ALDOA: variants seen among roughly 807,000 people sequenced by gnomAD.
ALDOA encodes fructose-bisphosphate aldolase A.
ALDOA carries 26 observed loss-of-function variants against 43.9 expected under a neutral mutation model. The observed-to-expected ratio is 0.59, with a 90% CI of 0.43 to 0.82. The LOEUF (loss-of-function observed/expected upper bound fraction) is 0.82. ALDOA is among the 40% of genes least tolerant of loss of function. ALDOA has a pLI of 0.00. For missense variants in ALDOA, 498 were observed against 549.5 expected, an observed-to-expected ratio of 0.91 and a Z score of 0.94; for synonymous variants, 258 against 222.6, an observed-to-expected ratio of 1.16 and a Z score of -1.42.
chr16:30,069,684 C>T lies in ALDOA; in HGVS notation c.961+11C>T, dbSNP rs1057523917. ...CCCCCGCTGTCACTGGTGAGGCCCA[C>T]ACTCATCTTGATCTCTATGCAGTAG... On this transcript the variant is annotated intron_variant, in intron 8 of 9. Coordinates refer to ENST00000642816, the MANE Select transcript of ALDOA (RefSeq NM_001243177.4). 2 of 1,613,282 alleles carry T rather than the reference C, an allele frequency of 1.2e-6. No homozygotes were observed.
chr16:30,069,171 C>T, intron 6 of ALDOA, 135 bp from the exon 7 acceptor site: 1 of 1,332,138 alleles, frequency 7.5e-7, no homozygotes, highest in Middle Eastern at 1.9e-4. Context: ...CGGCTCTTGT[C>T]TCCTGTAATC....
At position 30,070,191 on chromosome 16, in the gene ALDOA, C is replaced by G; in HGVS notation, c.1236C>G (p.Phe412Leu). ...QAGAAASESLFVSNHAY is the reference protein window; with the variant it reads ...QAGAAASESLLVSNHAY ...GGGCTGCTGCCAGCGAGTCCCTCTT[C>G]GTCTCTAACCACGCCTATTAAGCGG... Residue 412 changes from phenylalanine (F) to leucine (L), a missense_variant, in exon 10 of 10, where the codon TTC becomes TTG. By Grantham distance (22) the Phe-to-Leu change is conservative. Transcript: ENST00000642816. The G allele has an allele frequency of 6.2e-7, 1 of 1,614,142 alleles. No individual in the cohort carries two copies. The highest frequency in any genetic ancestry group is 1.3e-5 in the African/African-American group (1 of 75,046).
At position 30,067,300 on chromosome 16, in the gene ALDOA, C is replaced by G. The variant is rs1304519793; in HGVS notation, c.208C>G (p.Leu70Val). Reference sequence around the variant, plus strand: ...ACTGACCCCGGAGCAGAAGAAGGAGCTGTCTGACATCGCTCACCGCATCGT... The same window carrying G: ...ACTGACCCCGGAGCAGAAGAAGGAGGTGTCTGACATCGCTCACCGCATCGT... The part of the protein sequence containing the change: ...PALTPEQKKE[L>V]SDIAHRIVAP... The change falls in exon 3 of 10, where the codon CTG becomes GTG. Residue 70 changes from leucine to valine, a missense_variant. Coordinates refer to ENST00000642816, the MANE Select transcript of ALDOA (RefSeq NM_001243177.4). 6.2e-7 allele frequency: 1 copy of G among 1,612,954 alleles called. No homozygotes were observed. The highest frequency in any genetic ancestry group is 1.3e-5 in the African/African-American group (1 of 75,012).
Position 30,067,263 on chromosome 16 carries a change from C to G in ALDOA, c.171C>G (p.Tyr57Ter). Residue 57 changes from tyrosine (Y) to a stop codon, truncating the protein, a stop_gained, in exon 3 of 10, where the codon TAC becomes TAG. Coordinates refer to ENST00000642816, the MANE Select transcript of ALDOA (RefSeq NM_001243177.4). LOFTEE classifies it high-confidence loss of function. ...TTGCTACTACCAGCACCATGCCCTACCAATATCCAGCACTGACCCCGGAGC... is the reference window on the plus strand; with the variant it reads ...TTGCTACTACCAGCACCATGCCCTAGCAATATCCAGCACTGACCCCGGAGC... ...KELATTSTMP[Y>*]QYPALTPEQK... is the part of the protein sequence containing the mutation. 1 of 1,612,390 alleles carries G rather than the reference C, an allele frequency of 6.2e-7. No homozygotes were observed. Among genetic ancestry groups the G allele is most frequent in the Non-Finnish European group, 8.5e-7 (1 of 1,180,018 alleles).
chr16:30,068,061 A>T (rs183613085), intron 4 of ALDOA: 1 of 227,678 alleles, frequency 4.4e-6, no homozygotes, highest in African/African-American at 2.5e-5. Context: ...ATTTTAAGTA[A>T]ATTTTTTTTT....
At chr16:30,070,095 C>T in intron 9 of ALDOA, 22 bp from the exon 10 acceptor site, 1 of 1,613,782 alleles carries the variant, frequency 6.2e-7, no homozygotes, top group Non-Finnish European at 8.5e-7. Flanking sequence ...GCCCTTCTCA[C>T]TCCACCCCTC....
At position 30,069,617 on chromosome 16, in the gene ALDOA, A is replaced by C. The variant is rs776950855; in HGVS notation, c.905A>C (p.Glu302Ala). Residue 302 changes from glutamate to alanine, a missense_variant, in exon 8 of 10, where the codon GAG (glutamate) becomes GCG (alanine). Glu to Ala is a moderately radical substitution (Grantham distance 107). Transcript: ENST00000642816. Reference protein sequence around the residue: ...HACTQKFSHEEIAMATVTALR... With the variant: ...HACTQKFSHEAIAMATVTALR... ...TGCACTCAGAAGTTTTCTCATGAGG[A>C]GATTGCCATGGCGACCGTCACAGCG... The C allele has an allele frequency of 6.2e-7, 1 of 1,614,070 alleles. No individual in the cohort carries two copies. The highest frequency in any genetic ancestry group is 1.1e-5 in the South Asian group (1 of 91,086).
chr16:30,065,634 C>T (rs1193332762), upstream of ALDOA: 1 of 152,232 alleles, frequency 6.6e-6, no homozygotes, highest in Non-Finnish European at 1.5e-5. Flanking sequence ...CTGGGCTGCG[C>T]CTCTCGGGGG....
Position 30,069,782 on chromosome 16 carries a change from TC to T in ALDOA, c.962-46del. 3 of 1,613,068 alleles carry T rather than the reference TC, an allele frequency of 1.9e-6. No homozygotes were observed. The Admixed American group carries it at 5.0e-5, about 27-fold the overall frequency. On this transcript the variant is annotated intron_variant, in intron 8 of 9. Coordinates refer to ENST00000642816, the MANE Select transcript of ALDOA (RefSeq NM_001243177.4). ...CAACTTCCACCAGCTCCTGCCAGCT[TC>T]CTGGGTCTCTGACCACAGCCCCTCT...
At position 30,069,504 on chromosome 16, in the gene ALDOA, G is replaced by A; in HGVS notation, c.792G>A (p.Leu264=). 1 of 1,614,098 alleles carries A rather than the reference G, an allele frequency of 6.2e-7. No individual in the cohort carries two copies. Among genetic ancestry groups the A allele is most frequent in the Non-Finnish European group, 8.5e-7 (1 of 1,180,028 alleles). Residue 264 remains leucine, a synonymous_variant, in exon 8 of 10, where the codon CTG becomes CTA. Coordinates refer to ENST00000642816, the MANE Select transcript of ALDOA (RefSeq NM_001243177.4). ...KRCQYVTEKV[L]AAVYKALSDH... is the part of the protein sequence containing the mutation. ...GTGCGCCTGCTCTGCTCCAGGTGCT[G>A]GCTGCTGTCTACAAGGCTCTGAGTG...
chr16:30,067,243 A>G lies in ALDOA; in HGVS notation c.151A>G (p.Thr51Ala), dbSNP rs368691859. ...HQTELGKELA[T>A]TSTMPYQYPA... ...TGTTTCCTGTATCCAGGAACTTGCTACTACCAGCACCATGCCCTACCAATA... is the reference window on the plus strand; with the variant it reads ...TGTTTCCTGTATCCAGGAACTTGCTGCTACCAGCACCATGCCCTACCAATA... Residue 51 changes from threonine (T) to alanine (A), a missense_variant, in exon 3 of 10, where the codon ACT becomes GCT. Coordinates refer to ENST00000642816, the MANE Select transcript of ALDOA (RefSeq NM_001243177.4). 3.9e-5 allele frequency: 63 copies of G among 1,612,066 alleles called. No homozygotes were observed. In the African/African-American group the frequency reaches 4.4e-4, roughly 11 times the overall value.
Position 30,067,504 on chromosome 16 carries a change from G to A in ALDOA, c.329G>A (p.Arg110Gln). ...SIGTENTEEN[R>Q]RFYRQLLLTA... is the part of the protein sequence containing the mutation. The stretch of plus-strand genomic sequence containing the variant: ...GGCACCGAGAACACCGAGGAGAACC[G>A]GCGCTTCTACCGCCAGCTGCTGCTG... The change falls in exon 4 of 10, where the codon CGG becomes CAG. Residue 110 changes from arginine (R) to glutamine (Q), a missense_variant. Arg to Gln is a conservative substitution (Grantham distance 43, BLOSUM62 1). Transcript: ENST00000642816. 8.1e-6 allele frequency: 13 copies of A among 1,613,546 alleles called. No homozygotes were observed. Among genetic ancestry groups the A allele is most frequent in the African/African-American group, 1.3e-5 (1 of 74,930 alleles).
At chr16:30,068,536 G>C in intron 4 of ALDOA, 110 bp from the exon 5 acceptor site, 1 of 1,254,952 alleles carries the variant, frequency 8.0e-7, no homozygotes, top group Middle Eastern at 2.1e-4. Context: ...CCAGGAAGTG[G>C]AGGCTTCAGT....
intron 9 of ALDOA, 29 bp downstream of exon 9, chr16:30,070,058 G>A (rs371956038): frequency 1.2e-5 from 20 of 1,613,532 alleles, no homozygotes; most frequent in Non-Finnish European, 1.7e-5. Context: ...TGGGCAGGGT[G>A]CCTGGGTGGA....
rs1356696920 is a variant in ALDOA, at chr16:30,070,281, GCCT to G, written c.*74_*76del. The G allele has an allele frequency of 5.4e-6, 8 of 1,487,796 alleles. No homozygotes were observed. Among genetic ancestry groups the G allele is most frequent in the African/African-American group, 1.4e-5 (1 of 72,458 alleles). The allele number at this position is 1,487,796 out of a possible 1,614,324, so 92.2% of individuals were successfully genotyped here. ...CCCTCCCACTCTTGAAGAGGAGGCCGCCTCCTCGGGGCTCCAGGCTGGCTTGCC... is the reference window on the plus strand; with the variant it reads ...CCCTCCCACTCTTGAAGAGGAGGCCGCCTCGGGGCTCCAGGCTGGCTTGCC... On this transcript the variant is annotated 3_prime_UTR_variant, in exon 10 of 10. Transcript: ENST00000642816.
intron 3 of ALDOA, 30 bp from the exon 4 acceptor site, chr16:30,067,420 G>T: frequency 6.2e-7 from 1 of 1,613,674 alleles, no homozygotes; most frequent in Non-Finnish European, 8.5e-7. Context: ...GTGGCAGGCT[G>T]ATCCCCTAAT....
chr16:30,066,776 A>T, intron 1 of ALDOA, 109 bp from the exon 2 acceptor site: 2 of 1,282,920 alleles, frequency 1.6e-6, no homozygotes, highest in Non-Finnish European at 2.1e-6. Flanking sequence ...GTGTGGCTTG[A>T]AGCACAGACC....
chr16:30,068,327 G>A (rs1241093342), intron 4 of ALDOA: 3 of 376,542 alleles, frequency 8.0e-6, no homozygotes, highest in African/African-American at 4.2e-5. Context: ...GCCTCCCAAA[G>A]TGCTGGGATT....
chr16:30,066,890 G>C lies in ALDOA; in HGVS notation c.-8G>C. 6.5e-7 allele frequency: 1 copy of C among 1,548,782 alleles called. No individual in the cohort carries two copies. Among genetic ancestry groups the C allele is most frequent in the Non-Finnish European group, 8.7e-7 (1 of 1,145,784 alleles). On this transcript the variant is annotated 5_prime_UTR_variant, in exon 2 of 10. Coordinates refer to ENST00000642816, the MANE Select transcript of ALDOA (RefSeq NM_001243177.4). ...CGGTTCGGTTTTGTTTTCAGGCAAG[G>C]TGACCCCATGGCAAGGCGCAAGCCA...
Sources: allele counts gnomAD v4.1 joint callset, GRCh38; gene constraint gnomAD v4.1.1; transcripts MANE v1.5; gene names NCBI Gene and HGNC (gene_info 2026-07-23, HGNC 2026-07-21).